The following ENTREP2 variants were observed in gnomAD, a reference collection of about 807,000 sequenced individuals.
ENTREP2 encodes the protein protein ENTREP2.
chr15:29,440,380 G>T, the ENTREP2 span, among the ~76,000 whole-genome samples: 3 of 152,132 alleles, frequency 2.0e-5, no homozygotes, highest in Admixed American at 6.5e-5. Flanking sequence ...CATCCTACAT[G>T]TGGGGAAATA....
the ENTREP2 span, among the ~76,000 whole-genome samples, chr15:29,485,700 T>C: frequency 6.6e-6 from 1 of 152,024 alleles, no homozygotes; most frequent in African/African-American, 2.4e-5. Flanking sequence ...GGGCAAAGGA[T>C]CTGAATAGAC....
chr15:29,448,514 C>T, the ENTREP2 span, among the ~76,000 whole-genome samples: 4 of 152,296 alleles, frequency 2.6e-5, no homozygotes, highest in South Asian at 2.1e-4. Context: ...TGCACTTAAG[C>T]GACTGTTTTC....
the ENTREP2 span, among the ~76,000 whole-genome samples, chr15:29,630,871 C>T: frequency 3.7e-3 from 570 of 152,204 alleles, 3 homozygotes; most frequent in Non-Finnish European, 6.1e-3. Flanking sequence ...TTAGTACAGA[C>T]GGGATTTCAC....
chr15:29,406,251 A>G, the ENTREP2 span, among the ~76,000 whole-genome samples: 1 of 152,184 alleles, frequency 6.6e-6, no homozygotes, highest in Non-Finnish European at 1.5e-5. Flanking sequence ...TGAAAAATAT[A>G]TTTTTTAACA....
chr15:29,654,194 C>T, the ENTREP2 span, among the ~76,000 whole-genome samples: 3 of 152,144 alleles, frequency 2.0e-5, no homozygotes. Context: ...GATGTTTCTA[C>T]TTAAATTTTT....
the ENTREP2 span, among the ~76,000 whole-genome samples, chr15:29,383,149 GCTC>G: frequency 1.3e-5 from 2 of 152,076 alleles, no homozygotes; most frequent in Non-Finnish European, 2.9e-5. Flanking sequence ...CTGTCCTGAG[GCTC>G]CTCGAGTACC....
chr15:29,496,998 A>C, the ENTREP2 span, among the ~76,000 whole-genome samples: 1 of 152,306 alleles, frequency 6.6e-6, no homozygotes, highest in South Asian at 2.1e-4. Flanking sequence ...TCCCCAATGC[A>C]ACAGTATTAG....
At chr15:29,407,160 G>A in the ENTREP2 span, among the ~76,000 whole-genome samples, 1 of 152,208 alleles carries the variant, frequency 6.6e-6, no homozygotes, top group Admixed American at 6.5e-5. Flanking sequence ...TACATACCTA[G>A]GCTGTATGGT....
At chr15:29,553,451 C>G in the ENTREP2 span, among the ~76,000 whole-genome samples, 1 of 152,118 alleles carries the variant, frequency 6.6e-6, no homozygotes, top group Non-Finnish European at 1.5e-5. Context: ...AAAAAATACA[C>G]GAGAATTACC....
the ENTREP2 span, among the ~76,000 whole-genome samples, chr15:29,355,491 CAG>C: frequency 9.2e-5 from 13 of 140,790 alleles, no homozygotes; most frequent in African/African-American, 3.9e-4. Flanking sequence ...AAAAAAGGGA[CAG>C]AGTGATACAA....
chr15:29,229,547 C>A, the ENTREP2 span, among the ~76,000 whole-genome samples: 3,588 of 152,242 alleles, frequency 0.024, 141 homozygotes, highest in African/African-American at 0.082. Flanking sequence ...TACATCATAT[C>A]TGAAACTAAA....
the ENTREP2 span, among the ~76,000 whole-genome samples, chr15:29,333,268 T>C: frequency 6.1e-3 from 929 of 152,220 alleles, 6 homozygotes; most frequent in African/African-American, 0.021. Context: ...AACGCCACCA[T>C]AAGCAGAAAA....
At chr15:29,648,122 C>A in the ENTREP2 span, among the ~76,000 whole-genome samples, 1 of 152,156 alleles carries the variant, frequency 6.6e-6, no homozygotes, top group Admixed American at 6.5e-5. Flanking sequence ...GCCCATTTGG[C>A]ACATTTCCTT....
the ENTREP2 span, among the ~76,000 whole-genome samples, chr15:29,196,950 C>T: frequency 2.6e-5 from 4 of 152,222 alleles, no homozygotes; most frequent in Non-Finnish European, 4.4e-5. Flanking sequence ...AAATTTCCTG[C>T]CTCACTTCAT....
the ENTREP2 span, among the ~76,000 whole-genome samples, chr15:29,553,974 T>G: frequency 6.6e-6 from 1 of 152,200 alleles, no homozygotes; most frequent in African/African-American, 2.4e-5. Context: ...CTGCTAAGTT[T>G]GAGGATAACT....
At chr15:29,294,396 C>A in the ENTREP2 span, among the ~76,000 whole-genome samples, 1 of 152,192 alleles carries the variant, frequency 6.6e-6, no homozygotes, top group Non-Finnish European at 1.5e-5. Flanking sequence ...AGAAGGAGGT[C>A]CAGGCATAGA....
chr15:29,194,703 G>A, the ENTREP2 span, among the ~76,000 whole-genome samples: 1 of 152,138 alleles, frequency 6.6e-6, no homozygotes, highest in African/African-American at 2.4e-5. Flanking sequence ...ACCTGAGACT[G>A]CATTCTTAGA....
the ENTREP2 span, among the ~76,000 whole-genome samples, chr15:29,609,350 G>C: frequency 6.7e-6 from 1 of 150,148 alleles, no homozygotes; most frequent in African/African-American, 2.4e-5. Flanking sequence ...ATTATTGTTT[G>C]AATGTTTGCC....
the ENTREP2 span, among the ~76,000 whole-genome samples, chr15:29,248,205 C>T: frequency 4.0e-5 from 6 of 151,742 alleles, no homozygotes; most frequent in Non-Finnish European, 7.4e-5. Context: ...TTCAATTCAT[C>T]GAGTAGACTG....
Sources: allele counts gnomAD v4.1 joint callset (sites outside exome capture counted in the v4.1 genomes callset), GRCh38; gene constraint gnomAD v4.1.1; transcripts MANE v1.5; gene names NCBI Gene and HGNC (gene_info 2026-07-23, HGNC 2026-07-21).